GRK3: variants seen among roughly 807,000 people sequenced by gnomAD.
GRK3 encodes the protein adrenergic, beta, receptor kinase 2.
A neutral mutation model predicts 95.7 loss-of-function variants in GRK3; 54 were observed. That is an observed-to-expected ratio of 0.56 (90% CI 0.45 to 0.71). GRK3 has a LOEUF of 0.71. GRK3 is among the 30% of genes least tolerant of loss of function. The pLI, the probability that GRK3 is intolerant of heterozygous loss-of-function variation, is 0.00. For synonymous variants in GRK3, 281 were observed against 290.8 expected (o/e 0.97, Z 0.34); for missense variants, 649 against 851.2 (o/e 0.76, Z 2.96).
chr22:25,594,831 A>G (rs2084361432), intron 1 of GRK3, among the ~76,000 whole-genome samples: 1 of 152,230 alleles, frequency 6.6e-6, no homozygotes, highest in Non-Finnish European at 1.5e-5. Context: ...GTGAGCTGAG[A>G]TCGCGCCACT....
At chr22:25,630,323 T>G (rs1257506966) in intron 2 of GRK3, among the ~76,000 whole-genome samples, 1 of 152,200 alleles carries the variant, frequency 6.6e-6, no homozygotes, top group Non-Finnish European at 1.5e-5. Context: ...CTTAGAGAAG[T>G]CTCTGGGAAA....
intron 2 of GRK3, among the ~76,000 whole-genome samples, chr22:25,618,052 C>T (rs1215259437): frequency 2.6e-5 from 4 of 152,198 alleles, no homozygotes; most frequent in Non-Finnish European, 4.4e-5. Context: ...GGATTACAGG[C>T]GTGAGCCAAC....
At position 25,573,834 on chromosome 22, in the gene GRK3, G is replaced by A. The variant is rs546057463; in HGVS notation, c.113+8681G>A. Among the ~76,000 whole-genome samples the A allele has an allele frequency of 3.9e-5, 6 of 152,204 alleles. No individual in the cohort carries two copies. The South Asian group carries it at 1.2e-3, about 32-fold the overall frequency. ...GAATTGTTTGAATCCAGGAGGCAGAGGTTGCAGTGAGCTGAGATCGTGCTA... is the reference window on the plus strand; with the variant it reads ...GAATTGTTTGAATCCAGGAGGCAGAAGTTGCAGTGAGCTGAGATCGTGCTA... On this transcript the variant is annotated intron_variant, in intron 1 of 20. Coordinates refer to ENST00000324198, the MANE Select transcript of GRK3 (RefSeq NM_005160.4).
intron 2 of GRK3, among the ~76,000 whole-genome samples, chr22:25,634,642 T>C (rs747522201): frequency 6.6e-6 from 1 of 152,234 alleles, no homozygotes; most frequent in Non-Finnish European, 1.5e-5. Context: ...TTAGCATTTC[T>C]ATTATATTGT....
intron 1 of GRK3, among the ~76,000 whole-genome samples, chr22:25,599,737 G>T (rs981358058): frequency 6.6e-6 from 1 of 152,156 alleles, no homozygotes; most frequent in South Asian, 2.1e-4. Flanking sequence ...CACTACAGAA[G>T]ATACATGAAT....
At chr22:25,612,818 T>A (rs1256504248) in intron 2 of GRK3, among the ~76,000 whole-genome samples, 1 of 150,648 alleles carries the variant, frequency 6.6e-6, no homozygotes, top group Non-Finnish European at 1.5e-5. Context: ...AAGAATACAT[T>A]GATAAAAACA....
intron 2 of GRK3, among the ~76,000 whole-genome samples, chr22:25,609,153 T>G (rs911802884): frequency 7.2e-5 from 11 of 152,114 alleles, no homozygotes; most frequent in South Asian, 2.1e-4. Flanking sequence ...TAGTTAAGAT[T>G]CTTTTGTGAC....
intron 2 of GRK3, among the ~76,000 whole-genome samples, chr22:25,640,201 G>T (rs1386418064): frequency 6.6e-6 from 1 of 152,136 alleles, no homozygotes; most frequent in African/African-American, 2.4e-5. Flanking sequence ...AGAGGAGTGA[G>T]ATTACATATT....
At chr22:25,722,241 C>A in intron 20 of GRK3, 48 bp from the exon 21 acceptor site, 2 of 1,601,716 alleles carry the variant, frequency 1.2e-6, no homozygotes, top group South Asian at 1.1e-5. Context: ...CCGCTGTTGG[C>A]AAAATGGGTG....
rs2085464077 is a variant in GRK3, at chr22:25,725,151, T to C, written c.*2701T>C. 1.3e-5 allele frequency: 2 copies of C among 155,764 alleles called. No homozygotes were observed. Among genetic ancestry groups the C allele is most frequent in the African/African-American group, 4.8e-5 (2 of 41,618 alleles). 9.6% of individuals were successfully genotyped at this position (155,764 alleles called of 1,614,324 possible). The stretch of plus-strand genomic sequence containing the variant: ...ATGCCCAGCCATAGTACTTGGATGT[T>C]TTAGAAGGTTTTCCAAGTATTACAT... On this transcript the variant is annotated 3_prime_UTR_variant, in exon 21 of 21. Transcript: ENST00000324198.
chr22:25,691,868 C>A (rs2085167248), intron 12 of GRK3, among the ~76,000 whole-genome samples: 2 of 152,276 alleles, frequency 1.3e-5, no homozygotes, highest in Middle Eastern at 6.8e-3. Context: ...ATTTGAACAG[C>A]ATCTGTAAAG....
At chr22:25,697,157 C>T (rs2085215560) in intron 13 of GRK3, among the ~76,000 whole-genome samples, 1 of 152,150 alleles carries the variant, frequency 6.6e-6, no homozygotes, top group Non-Finnish European at 1.5e-5. Context: ...TCTGACAATC[C>T]CAGAAGCCTT....
chr22:25,598,435 T>A (rs1479492901), intron 1 of GRK3, among the ~76,000 whole-genome samples: 2 of 151,894 alleles, frequency 1.3e-5, no homozygotes, highest in African/African-American at 4.8e-5. Flanking sequence ...ACTTTGGGAG[T>A]CTGAGCCGGG....
chr22:25,593,014 A>G (rs1932547614), intron 1 of GRK3, among the ~76,000 whole-genome samples: 1 of 152,214 alleles, frequency 6.6e-6, no homozygotes, highest in Non-Finnish European at 1.5e-5. Flanking sequence ...ATGGCAATAT[A>G]GTATCCCATG....
intron 9 of GRK3, among the ~76,000 whole-genome samples, chr22:25,682,788 G>A (rs903782306): frequency 6.6e-6 from 1 of 152,154 alleles, no homozygotes; most frequent in African/African-American, 2.4e-5. Flanking sequence ...ATCAAGAGAC[G>A]GAAAGTTACC....
chr22:25,652,885 GT>G (rs1256053500), intron 3 of GRK3, among the ~76,000 whole-genome samples: 2 of 152,094 alleles, frequency 1.3e-5, no homozygotes, highest in African/African-American at 2.4e-5. Flanking sequence ...ATTCAGTATA[GT>G]CACATGCTGC....
At chr22:25,624,126 T>C (rs1236087846) in intron 2 of GRK3, among the ~76,000 whole-genome samples, 2 of 152,154 alleles carry the variant, frequency 1.3e-5, no homozygotes, top group Admixed American at 6.5e-5. Flanking sequence ...TTTTTTTTCC[T>C]TATCTTTTAA....
intron 2 of GRK3, among the ~76,000 whole-genome samples, chr22:25,607,637 C>T (rs2084461590): frequency 6.6e-6 from 1 of 152,080 alleles, no homozygotes; most frequent in Admixed American, 6.5e-5. Context: ...AGTGCAGTGG[C>T]ACAATCTCTG....
chr22:25,657,043 G>C (rs1036560281), intron 3 of GRK3, among the ~76,000 whole-genome samples: 1 of 152,198 alleles, frequency 6.6e-6, no homozygotes, highest in African/African-American at 2.4e-5. Flanking sequence ...GTGTGGTCTG[G>C]TTGTACTGCA....
Sources: gnomAD v4.1 joint callset for allele counts (sites outside exome capture counted in the v4.1 genomes callset) on GRCh38, gnomAD v4.1.1 for gene constraint, MANE v1.5 for transcripts, NCBI Gene and HGNC (gene_info 2026-07-23, HGNC 2026-07-21) for gene names.